CDH12: variants seen among roughly 807,000 people sequenced by gnomAD.
CDH12 encodes the protein cadherin 12, also known as cadherin-12.
Under a neutral mutation model 74.1 loss-of-function variants are expected in CDH12, and 41 were observed. The ratio of observed to expected loss-of-function variants is 0.55; its 90% CI spans 0.43 to 0.72. The LOEUF (loss-of-function observed/expected upper bound fraction) is 0.72, where lower values mean the gene tolerates loss of function less well. Among genes scored for constraint, CDH12 ranks in the 30% least tolerant of loss-of-function variants. The pLI is 0.00. For missense variants in CDH12, 945 were observed against 977.2 expected, an observed-to-expected ratio of 0.97 and a Z score of 0.44; for synonymous variants, 399 against 355.0, an observed-to-expected ratio of 1.12 and a Z score of -1.39.
At chr5:22,287,206 A>G (rs988956546) in intron 3 of CDH12, among the ~76,000 whole-genome samples, 12 of 152,306 alleles carry the variant, frequency 7.9e-5, no homozygotes, top group Admixed American at 2.6e-4. Context: ...AATGCTTTGT[A>G]AGAAGAGTCT....
At chr5:22,079,645 G>A (rs1742582206) in intron 4 of CDH12, among the ~76,000 whole-genome samples, 4 of 152,022 alleles carry the variant, frequency 2.6e-5, no homozygotes, top group African/African-American at 4.8e-5. Flanking sequence ...CTTTATAGAC[G>A]TTGTGTAGCT....
intron 1 of CDH12, among the ~76,000 whole-genome samples, chr5:22,709,833 T>C (rs1233669274): frequency 1.3e-5 from 2 of 152,188 alleles, no homozygotes; most frequent in Admixed American, 6.5e-5. Context: ...AAGTTCTGTG[T>C]CTATGATTGG....
At chr5:22,122,378 G>C (rs1397191528) in intron 4 of CDH12, among the ~76,000 whole-genome samples, 2 of 152,164 alleles carry the variant, frequency 1.3e-5, no homozygotes, top group Non-Finnish European at 2.9e-5. Context: ...ACTCCAGCCT[G>C]GGCAATAGAG....
At chr5:22,005,302 C>G (rs199611110) in intron 5 of CDH12, among the ~76,000 whole-genome samples, 1 of 152,108 alleles carries the variant, frequency 6.6e-6, no homozygotes, top group East Asian at 1.9e-4. Context: ...CTCGGCCTCC[C>G]AAAGTGCTGG....
rs866434075 is a variant in CDH12 at position 21,771,598 on chromosome 5, G to T, written c.1394-6499C>A. On this transcript the variant is annotated intron_variant, in intron 11 of 14. Coordinates refer to ENST00000382254, the MANE Select transcript of CDH12 (RefSeq NM_004061.5). ...AGGAGTGTCTGGGTTAAGATTAGGG[G>T]TTGTGGAGACCAAGGCTCTTATTAT... Among the ~76,000 whole-genome samples, 26 of 152,196 alleles carry T rather than the reference G, an allele frequency of 1.7e-4. 1 individual carries two copies. The highest frequency in any genetic ancestry group is 6.8e-3 in the Middle Eastern group (2 of 294).
At chr5:22,376,344 C>T (rs765916565) in intron 3 of CDH12, among the ~76,000 whole-genome samples, 6 of 151,240 alleles carry the variant, frequency 4.0e-5, no homozygotes, top group Middle Eastern at 3.4e-3. Flanking sequence ...TTATTGGGTG[C>T]AAACATACAC....
chr5:22,779,802 C>T (rs991132217), intron 1 of CDH12, among the ~76,000 whole-genome samples: 1 of 152,162 alleles, frequency 6.6e-6, no homozygotes, highest in African/African-American at 2.4e-5. Flanking sequence ...AACTGCAAGT[C>T]AGTTAAACCT....
At position 21,970,744 on chromosome 5, in the gene CDH12, G is replaced by C. The variant is rs187610121; in HGVS notation, c.526+4347C>G. Among the ~76,000 whole-genome samples, 1,245 of 145,330 alleles carry C rather than the reference G, an allele frequency of 8.6e-3. 12 individuals are homozygous for C. The highest frequency in any genetic ancestry group is 0.015 in the Admixed American group (211 of 13,974). ...AATCCCAGTTACTCGAGAAGCTGAG[G>C]CAGGAGAATCACTTGAACCTGGAAG... is the stretch of plus-strand genomic sequence containing the variant. On this transcript the variant is annotated intron_variant, in intron 6 of 14. Coordinates refer to ENST00000382254, the MANE Select transcript of CDH12 (RefSeq NM_004061.5).
intron 2 of CDH12, among the ~76,000 whole-genome samples, chr5:22,425,551 C>T (rs576613784): frequency 1.4e-4 from 22 of 151,730 alleles, no homozygotes; most frequent in African/African-American, 5.3e-4. Context: ...GAGTAGCAAC[C>T]GATGACAATA....
chr5:22,558,431 A>T (rs1167751275), intron 1 of CDH12, among the ~76,000 whole-genome samples: 2 of 152,142 alleles, frequency 1.3e-5, no homozygotes, highest in African/African-American at 4.8e-5. Flanking sequence ...GGTAGCTATT[A>T]TGGGTAAAAC....
At chr5:22,829,939 A>G (rs1426667725) in intron 1 of CDH12, among the ~76,000 whole-genome samples, 4 of 152,214 alleles carry the variant, frequency 2.6e-5, no homozygotes, top group Non-Finnish European at 4.4e-5. Flanking sequence ...ACAGCTTTTT[A>G]ACGTTAGTGG....
At chr5:21,776,712 A>G (rs1184307189) in intron 11 of CDH12, among the ~76,000 whole-genome samples, 1 of 152,164 alleles carries the variant, frequency 6.6e-6, no homozygotes, top group African/African-American at 2.4e-5. Context: ...ATCATTGAAC[A>G]TATTTGCCAG....
intron 1 of CDH12, among the ~76,000 whole-genome samples, chr5:22,523,183 A>G: frequency 6.6e-6 from 1 of 151,768 alleles, no homozygotes; most frequent in East Asian, 1.9e-4. Context: ...GAATTCTTTT[A>G]TTTTCCGTTT....
At chr5:22,231,504 G>C (rs1752383144) in intron 3 of CDH12, among the ~76,000 whole-genome samples, 1 of 151,926 alleles carries the variant, frequency 6.6e-6, no homozygotes, top group African/African-American at 2.4e-5. Context: ...AAAGTAGCAA[G>C]TAAAAAAAAT....
chr5:22,195,458 C>G (rs1254422261), intron 4 of CDH12, among the ~76,000 whole-genome samples: 1 of 152,154 alleles, frequency 6.6e-6, no homozygotes, highest in East Asian at 1.9e-4. Context: ...AAATGCCATT[C>G]TTATAACCAT....
intron 6 of CDH12, among the ~76,000 whole-genome samples, chr5:21,973,166 C>T (rs1023894699): frequency 6.6e-6 from 1 of 151,904 alleles, no homozygotes; most frequent in African/African-American, 2.4e-5. Context: ...AAGACTGGGC[C>T]ATTGCACTCC....
intron 1 of CDH12, among the ~76,000 whole-genome samples, chr5:22,592,412 T>A (rs1284555115): frequency 6.6e-6 from 1 of 152,156 alleles, no homozygotes; most frequent in African/African-American, 2.4e-5. Flanking sequence ...ACTACCCCCA[T>A]CTATACCCAA....
chr5:22,593,965 T>C (rs1437458230), intron 1 of CDH12, among the ~76,000 whole-genome samples: 2 of 152,174 alleles, frequency 1.3e-5, no homozygotes, highest in Non-Finnish European at 2.9e-5. Context: ...TGATTTACTA[T>C]TTGCCTTATT....
At chr5:21,935,217 T>C (rs1408285760) in intron 6 of CDH12, among the ~76,000 whole-genome samples, 1 of 152,206 alleles carries the variant, frequency 6.6e-6, no homozygotes, top group African/African-American at 2.4e-5. Flanking sequence ...TTACAGTGCT[T>C]CTCAGTGATG....
Sources: gnomAD v4.1 joint callset for allele counts (sites outside exome capture counted in the v4.1 genomes callset) on GRCh38, gnomAD v4.1.1 for gene constraint, MANE v1.5 for transcripts, NCBI Gene and HGNC (gene_info 2026-07-23, HGNC 2026-07-21) for gene names.